The following ATE1 variants were observed in gnomAD, a reference collection of about 807,000 sequenced individuals.
The protein encoded by ATE1 is arginyltransferase 1, also known as arginyl-tRNA--protein transferase 1.
A neutral mutation model predicts 70.5 loss-of-function variants in ATE1; 36 were observed. That is an observed-to-expected ratio of 0.51 (90% CI 0.39 to 0.67). The LOEUF (loss-of-function observed/expected upper bound fraction) is 0.67, where lower values mean the gene tolerates loss of function less well. ATE1 is among the 30% of genes least tolerant of loss of function. The pLI is 0.00. For missense variants in ATE1, 593 were observed against 629.5 expected (o/e 0.94, Z 0.62); for synonymous variants, 232 against 219.3 (o/e 1.06, Z -0.51).
At chr10:121,907,692 C>G (rs951644096) in intron 5 of ATE1, among the ~76,000 whole-genome samples, 1 of 151,840 alleles carries the variant, frequency 6.6e-6, no homozygotes, top group African/African-American at 2.4e-5. Context: ...TGGCGTGAAC[C>G]CGGGAGGTAG....
At chr10:121,853,258 G>C (rs191390252) in intron 8 of ATE1, among the ~76,000 whole-genome samples, 2,262 of 151,662 alleles carry the variant, frequency 0.015, 22 homozygotes, top group Middle Eastern at 0.038. Context: ...CACCTACTCG[G>C]GAGGCTGAGG....
intron 10 of ATE1, among the ~76,000 whole-genome samples, chr10:121,821,689 T>A (rs1947803534): frequency 6.6e-6 from 1 of 152,212 alleles, no homozygotes; most frequent in South Asian, 2.1e-4. Context: ...AAGGGCAGCC[T>A]GGCCAATATG....
intron 11 of ATE1, among the ~76,000 whole-genome samples, chr10:121,778,556 G>A (rs970961051): frequency 7.3e-6 from 1 of 136,630 alleles, no homozygotes; most frequent in Non-Finnish European, 1.5e-5. Context: ...ACCTCCAGAT[G>A]TGGCCAGCTT....
At chr10:121,778,559 G>A (rs1277392417) in intron 11 of ATE1, among the ~76,000 whole-genome samples, 3 of 137,152 alleles carry the variant, frequency 2.2e-5, no homozygotes, top group Non-Finnish European at 3.1e-5. Flanking sequence ...TCCAGATGTG[G>A]CCAGCTTTTT....
At chr10:121,846,155 A>T (rs1160176962) in intron 8 of ATE1, among the ~76,000 whole-genome samples, 1 of 151,682 alleles carries the variant, frequency 6.6e-6, no homozygotes, top group African/African-American at 2.4e-5. Flanking sequence ...AAACCAAAAT[A>T]CCCAACATTG....
intron 8 of ATE1, among the ~76,000 whole-genome samples, chr10:121,865,745 C>T (rs1185307586): frequency 1.3e-5 from 2 of 152,202 alleles, no homozygotes; most frequent in Non-Finnish European, 2.9e-5. Context: ...TAGTCTTCAG[C>T]TTACAGGAAT....
intron 11 of ATE1, among the ~76,000 whole-genome samples, chr10:121,787,556 A>G (rs1344367287): frequency 6.6e-6 from 1 of 152,252 alleles, no homozygotes; most frequent in Admixed American, 6.5e-5. Context: ...AGCATATGAA[A>G]AAAAGATCTT....
chr10:121,771,621 A>G (rs1443842789), intron 11 of ATE1, among the ~76,000 whole-genome samples: 13 of 152,232 alleles, frequency 8.5e-5, no homozygotes, highest in African/African-American at 3.1e-4. Flanking sequence ...TCGGAGAGCA[A>G]AGGCCAATAA....
At chr10:121,744,050 G>A (rs1011236074) in intron 11 of ATE1, among the ~76,000 whole-genome samples, 192 bp from the exon 12 acceptor site, 1 of 146,666 alleles carries the variant, frequency 6.8e-6, no homozygotes, top group Non-Finnish European at 1.5e-5. Context: ...AGCCTCCCAA[G>A]TAGCTGGGAT....
intron 4 of ATE1, among the ~76,000 whole-genome samples, chr10:121,912,051 C>T (rs1381622276): frequency 6.6e-6 from 1 of 151,522 alleles, no homozygotes; most frequent in African/African-American, 2.4e-5. Context: ...CGGCCAAGCC[C>T]GGCTAATTTT....
chr10:121,815,291 A>G (rs979597236), intron 10 of ATE1, among the ~76,000 whole-genome samples: 2 of 152,032 alleles, frequency 1.3e-5, no homozygotes, highest in South Asian at 2.1e-4. Flanking sequence ...GCCCGCCACC[A>G]CGCCCGGCTA....
intron 11 of ATE1, among the ~76,000 whole-genome samples, chr10:121,777,972 T>C (rs1945816219): frequency 1.3e-5 from 2 of 152,242 alleles, no homozygotes; most frequent in African/African-American, 2.4e-5. Flanking sequence ...TTTGCAAGAC[T>C]TATACATTGA....
rs1323632901 is a variant in ATE1 at position 121,741,033 on chromosome 10, G to T, written c.*2647C>A. On this transcript the variant is annotated 3_prime_UTR_variant, in exon 12 of 12. Transcript: ENST00000224652. ...CTTTGCTCCCAAAACAGGAAGGCAG[G>T]TGTGATGTATTTGAAAATCAGAAAG... 1 of 152,198 alleles carries T rather than the reference G, an allele frequency of 6.6e-6. No homozygotes were observed. The highest frequency in any genetic ancestry group is 1.5e-5 in the Non-Finnish European group (1 of 68,028). 9.4% of individuals were successfully genotyped at this position (152,198 alleles called of 1,614,324 possible). A position where few individuals can be genotyped will look rare whatever the true frequency, so the allele number is the denominator to read the frequency against.
intron 11 of ATE1, among the ~76,000 whole-genome samples, chr10:121,754,724 G>C (rs1944723156): frequency 1.3e-5 from 2 of 152,154 alleles, no homozygotes. Flanking sequence ...ACCATCTCAG[G>C]ACAGCTTTCT....
chr10:121,839,003 C>T (rs1337107139), intron 9 of ATE1, among the ~76,000 whole-genome samples: 1 of 152,108 alleles, frequency 6.6e-6, no homozygotes, highest in Non-Finnish European at 1.5e-5. Flanking sequence ...ACAGAATTAG[C>T]AACTGGTAAC....
chr10:121,836,926 CA>C (rs1948455250), intron 9 of ATE1, 109 bp from the exon 10 acceptor site: 4 of 655,462 alleles, frequency 6.1e-6, no homozygotes, highest in Non-Finnish European at 1.0e-5. Flanking sequence ...ATTAAGCTAT[CA>C]AAAAATTACA....
chr10:121,890,933 C>G (rs1351239606), intron 7 of ATE1, among the ~76,000 whole-genome samples: 1 of 152,098 alleles, frequency 6.6e-6, no homozygotes, highest in Non-Finnish European at 1.5e-5. Context: ...GATTAATTTA[C>G]AAAGTCCTAT....
chr10:121,777,010 A>G (rs1024135290), intron 11 of ATE1, among the ~76,000 whole-genome samples: 1 of 152,250 alleles, frequency 6.6e-6, no homozygotes, highest in Non-Finnish European at 1.5e-5. Context: ...TGTGTAATGT[A>G]ATGCATTCTA....
At chr10:121,834,946 T>G (rs1292801078) in intron 10 of ATE1, among the ~76,000 whole-genome samples, 1 of 152,166 alleles carries the variant, frequency 6.6e-6, no homozygotes, top group African/African-American at 2.4e-5. Flanking sequence ...AGAGTTTTCT[T>G]TGAGTCTTAT....
Sources: gnomAD v4.1 joint callset for allele counts (sites outside exome capture counted in the v4.1 genomes callset) on GRCh38, gnomAD v4.1.1 for gene constraint, MANE v1.5 for transcripts, NCBI Gene and HGNC (gene_info 2026-07-23, HGNC 2026-07-21) for gene names.